Variants in CCNB3 observed in about 807,000 individuals in gnomAD.
CCNB3 encodes the protein cyclin B3.
A neutral mutation model predicts 68.0 loss-of-function variants in CCNB3; 12 were observed. That is an observed-to-expected ratio of 0.18 (90% CI 0.11 to 0.29). The LOEUF is 0.29. Ranked by LOEUF, CCNB3 falls within the 10% of genes least tolerant of loss-of-function variation. The pLI is 1.00. For synonymous variants in CCNB3, 354 were observed against 388.9 expected (o/e 0.91, Z 1.06); for missense variants, 904 against 993.1 (o/e 0.91, Z 1.21).
At chrX:50,321,050 A>G (rs1223234956) in intron 8 of CCNB3, among the ~76,000 whole-genome samples, 1 of 111,382 alleles carries the variant, frequency 9.0e-6, no homozygotes, top group Non-Finnish European at 1.9e-5. Context: ...ATAAATGTGC[A>G]TTTTTTAACA....
chrX:50,294,927 C>T lies in CCNB3; in HGVS notation c.269C>T (p.Ser90Phe). Residue 90 changes from serine (S) to phenylalanine (F), a missense_variant, in exon 5 of 13, where the codon TCC (serine) becomes TTC (phenylalanine). Physicochemically the swap from Ser to Phe is radical, Grantham distance 155 (BLOSUM62 -2). This residue lies in a region of CCNB3 where 619 missense variants were observed against 609.8 expected (regional missense o/e 1.02). Coordinates refer to ENST00000376042, the MANE Select transcript of CCNB3 (RefSeq NM_033031.3). ...EANKEFVKVV[S>F]KKINRNTHAL... is the part of the protein sequence containing the mutation. The stretch of plus-strand genomic sequence containing the variant: ...AATAAAGAGTTTGTAAAAGTTGTTT[C>T]CAAGAAGATAAACAGGAACACACAT... 8.3e-7 allele frequency: 1 copy of T among 1,209,132 alleles called. No homozygotes were observed. The highest frequency in any genetic ancestry group is 1.1e-6 in the Non-Finnish European group (1 of 893,860).
intron 5 of CCNB3, among the ~76,000 whole-genome samples, chrX:50,302,022 T>C (rs1936651652): frequency 8.9e-6 from 1 of 112,604 alleles, no homozygotes; most frequent in Non-Finnish European, 1.9e-5. Flanking sequence ...ATTTTCCAGG[T>C]GCCATCTGTC....
chrX:50,302,228 T>C (rs1936659539), intron 5 of CCNB3, among the ~76,000 whole-genome samples: 1 of 112,072 alleles, frequency 8.9e-6, no homozygotes, highest in Admixed American at 9.4e-5. Flanking sequence ...GCGTTGCTCA[T>C]GCTGGGAGCT....
At chrX:50,314,168 A>G (rs1921606858) in intron 8 of CCNB3, among the ~76,000 whole-genome samples, 1 of 112,604 alleles carries the variant, frequency 8.9e-6, no homozygotes, top group Non-Finnish European at 1.9e-5. Flanking sequence ...TGTTTCAAAT[A>G]AGATACTGTG....
chrX:50,279,738 A>T (rs1314143527), intron 1 of CCNB3, among the ~76,000 whole-genome samples: 2 of 90,664 alleles, frequency 2.2e-5, no homozygotes, highest in African/African-American at 4.0e-5. Context: ...ATATATGATT[A>T]TGTATATTCA....
intron 8 of CCNB3, among the ~76,000 whole-genome samples, chrX:50,328,391 C>T (rs868993854): frequency 8.9e-6 from 1 of 111,989 alleles, no homozygotes; most frequent in Admixed American, 9.4e-5. Context: ...TTACTCATTG[C>T]AGAAGGTGAA....
intron 1 of CCNB3, among the ~76,000 whole-genome samples, chrX:50,226,542 A>C (rs1323412879): frequency 1.5e-5 from 1 of 67,709 alleles, no homozygotes; most frequent in Non-Finnish European, 2.6e-5. Flanking sequence ...GAATATATGA[A>C]TATATATATA....
chrX:50,309,047 A>G lies in CCNB3; in HGVS notation c.878A>G (p.Tyr293Cys). The change falls in exon 6 of 13, where the codon TAT becomes TGT. Residue 293 changes from tyrosine (Y) to cysteine (C), a missense_variant. This residue lies in a region of CCNB3 where 619 missense variants were observed against 609.8 expected (regional missense o/e 1.02). Coordinates refer to ENST00000376042, the MANE Select transcript of CCNB3 (RefSeq NM_033031.3). ...TCTTTAAAGAAGAAATGTACCATTT[A>G]TGGGAAGATATGCCACTTTAGGAAG... ...LSSLKKKCTI[Y>C]GKICHFRKPP... 1 of 1,211,300 alleles carries G rather than the reference A, an allele frequency of 8.3e-7. No individual in the cohort carries two copies. The highest frequency in any genetic ancestry group is 1.1e-6 in the Non-Finnish European group (1 of 895,135).
chrX:50,226,284 T>TAGAA (rs1935788486), intron 1 of CCNB3, among the ~76,000 whole-genome samples: 1 of 61,772 alleles, frequency 1.6e-5, no homozygotes, highest in African/African-American at 8.4e-5. Flanking sequence ...TATATATTTA[T>TAGAA]ATATATAGAA....
At chrX:50,298,778 G>T in intron 5 of CCNB3, among the ~76,000 whole-genome samples, 1 of 110,946 alleles carries the variant, frequency 9.0e-6, no homozygotes, top group East Asian at 2.8e-4. Flanking sequence ...TTTTTTGGTT[G>T]GTAAGCTATT....
intron 3 of CCNB3, among the ~76,000 whole-genome samples, chrX:50,286,938 G>A (rs1936251799): frequency 8.9e-6 from 1 of 112,446 alleles, no homozygotes; most frequent in African/African-American, 3.2e-5. Context: ...GTGAGCCGCC[G>A]CGTCGGGCTC....
chrX:50,313,504 A>G (rs1921572525), intron 7 of CCNB3, among the ~76,000 whole-genome samples: 1 of 112,136 alleles, frequency 8.9e-6, no homozygotes, highest in Admixed American at 9.5e-5. Context: ...CAAGTAGTGC[A>G]TATGTATGTT....
chrX:50,312,107 AG>A, intron 6 of CCNB3, among the ~76,000 whole-genome samples: 1 of 110,833 alleles, frequency 9.0e-6, no homozygotes, highest in East Asian at 2.8e-4. Context: ...TTTAGCAAGC[AG>A]GAGGAGAAAT....
intron 8 of CCNB3, among the ~76,000 whole-genome samples, chrX:50,329,492 G>T (rs186598610): frequency 2.7e-5 from 3 of 112,527 alleles, no homozygotes; most frequent in African/African-American, 6.4e-5. Flanking sequence ...CTAAGTAACT[G>T]GGCCCCTTTG....
At chrX:50,226,027 T>A (rs1366139107) in intron 1 of CCNB3, among the ~76,000 whole-genome samples, 1 of 92,749 alleles carries the variant, frequency 1.1e-5, no homozygotes, top group Non-Finnish European at 2.1e-5. Context: ...TACAAAAATA[T>A]ATATATAGAA....
intron 5 of CCNB3, among the ~76,000 whole-genome samples, 183 bp downstream of exon 5, chrX:50,295,176 T>C (rs1172544666): frequency 1.8e-5 from 2 of 111,738 alleles, no homozygotes; most frequent in African/African-American, 3.2e-5. Flanking sequence ...CTCTCCTCTT[T>C]CATTACGTGT....
intron 8 of CCNB3, among the ~76,000 whole-genome samples, chrX:50,321,992 T>C (rs1279039410): frequency 3.6e-5 from 4 of 110,433 alleles, no homozygotes; most frequent in African/African-American, 1.3e-4. Context: ...TTGAGAATTT[T>C]TTAAATGTTA....
rs1265117566 is a variant in CCNB3, at chrX:50,280,108, G to C, written c.-112-4434G>C. Among the ~76,000 whole-genome samples the C allele has an allele frequency of 3.5e-5, 3 of 85,843 alleles. No individual in the cohort carries two copies. In the Admixed American group the frequency reaches 4.6e-4, roughly 13 times the overall value. The allele number at this position is 85,843 out of a possible 115,157, so 74.5% of individuals were successfully genotyped here. ...TGGAATACATATAAATATATATATA[G>C]AATATATAAATATATATAGAATATA... On this transcript the variant is annotated intron_variant, in intron 1 of 12. Coordinates refer to ENST00000376042, the MANE Select transcript of CCNB3 (RefSeq NM_033031.3).
rs1557215009 is a variant in CCNB3 at position 50,311,466 on chromosome X, C to G, written c.3297C>G (p.Val1099=). Residue 1099 remains valine (V), a synonymous_variant, in exon 6 of 13, where the codon GTC becomes GTG. Transcript: ENST00000376042. ...SACESASDKP[V]SPQAKGTPKE... ...GTGAATCTGCTTCTGATAAACCTGT[C>G]TCACCACAGGCCAAGGGAACACCAA... is the stretch of plus-strand genomic sequence containing the variant. 1 of 1,208,322 alleles carries G rather than the reference C, an allele frequency of 8.3e-7. No individual in the cohort carries two copies. The highest frequency in any genetic ancestry group is 1.1e-6 in the Non-Finnish European group (1 of 893,380).
Sources: allele counts gnomAD v4.1 joint callset (sites outside exome capture counted in the v4.1 genomes callset), GRCh38; gene constraint gnomAD v4.1.1; regional missense constraint gnomAD v4.1.1; transcripts MANE v1.5; gene names NCBI Gene and HGNC (gene_info 2026-07-23, HGNC 2026-07-21).